PCDHGB4: variants seen among roughly 807,000 people sequenced by gnomAD.
The protein encoded by PCDHGB4 is protocadherin gamma-B4.
Under a neutral mutation model 60.5 loss-of-function variants are expected in PCDHGB4, and 38 were observed. The ratio of observed to expected loss-of-function variants is 0.63; its 90% CI spans 0.48 to 0.82. PCDHGB4 has a LOEUF of 0.82. Ranked by LOEUF, PCDHGB4 falls within the 40% of genes least tolerant of loss-of-function variation. The pLI, the probability that PCDHGB4 is intolerant of heterozygous loss-of-function variation, is 0.00. For synonymous variants in PCDHGB4, 456 were observed against 509.7 expected, an observed-to-expected ratio of 0.89 and a Z score of 1.42; for missense variants, 1,109 against 1,209.6, an observed-to-expected ratio of 0.92 and a Z score of 1.23.
rs1015821056 is a variant in PCDHGB4 at position 141,397,642 on chromosome 5, T to C, written c.2397+7361T>C. On this transcript the variant is annotated intron_variant, in intron 1 of 3. Coordinates refer to ENST00000519479, the MANE Select transcript of PCDHGB4 (RefSeq NM_003736.4). Reference sequence around the variant, plus strand: ...TAGTTCTAGCTAAGAGTTCAAGGTATGTTTGCAGAATGGTGAAAGAATGGA... The same window carrying C: ...TAGTTCTAGCTAAGAGTTCAAGGTACGTTTGCAGAATGGTGAAAGAATGGA... Among the ~76,000 whole-genome samples, 3 of 152,236 alleles carry C rather than the reference T, an allele frequency of 2.0e-5. No individual in the cohort carries two copies. The East Asian group carries it at 5.8e-4, about 29-fold the overall frequency.
chr5:141,427,013 T>A, intron 1 of PCDHGB4: 2 of 456,846 alleles, frequency 4.4e-6, no homozygotes, highest in Non-Finnish European at 8.8e-6. Flanking sequence ...TTAGCCAGGA[T>A]GTATACAAAG....
At chr5:141,451,334 C>G (rs916812246) in intron 1 of PCDHGB4, among the ~76,000 whole-genome samples, 4 of 152,192 alleles carry the variant, frequency 2.6e-5, no homozygotes, top group Non-Finnish European at 4.4e-5. Context: ...AGGCTATTGT[C>G]TTATCTGAAG....
chr5:141,390,321 C>A (rs776100029), intron 1 of PCDHGB4, 40 bp downstream of exon 1: 1 of 1,606,964 alleles, frequency 6.2e-7, no homozygotes, highest in Non-Finnish European at 8.5e-7. Context: ...TCATTGCCTA[C>A]CCATTTCTCC....
chr5:141,419,350 G>A, intron 1 of PCDHGB4: 1 of 1,613,848 alleles, frequency 6.2e-7, no homozygotes, highest in Non-Finnish European at 8.5e-7. Context: ...GCGACCTGGA[G>A]TCACGAACGC....
In PCDHGB4 at chr5:141,387,841, C is replaced by T; in HGVS notation, c.-44C>T. On this transcript the variant is annotated 5_prime_UTR_variant, in exon 1 of 4. Coordinates refer to ENST00000519479, the MANE Select transcript of PCDHGB4 (RefSeq NM_003736.4). ...CTGCAATACAGAGGTTATTTGTAACCCGGCGTCTCCAGGCTGGTGAGCAAG... is the reference window on the plus strand; with the variant it reads ...CTGCAATACAGAGGTTATTTGTAACTCGGCGTCTCCAGGCTGGTGAGCAAG... 2.5e-6 allele frequency: 4 copies of T among 1,597,678 alleles called. No homozygotes were observed. The highest frequency in any genetic ancestry group is 3.4e-6 in the Non-Finnish European group (4 of 1,172,130).
intron 1 of PCDHGB4, chr5:141,423,658 CA>C: frequency 6.4e-7 from 1 of 1,571,150 alleles, no homozygotes; most frequent in Non-Finnish European, 8.6e-7. Flanking sequence ...GACAAGTAAT[CA>C]GGTGAGATTT....
intron 1 of PCDHGB4, chr5:141,422,634 T>C: frequency 1.9e-6 from 3 of 1,612,682 alleles, no homozygotes; most frequent in Non-Finnish European, 2.5e-6. Flanking sequence ...ACCCCAGGGG[T>C]GCCTCCATCT....
Position 141,485,164 on chromosome 5 carries a change from G to A in PCDHGB4, c.2398-9643G>A, listed in dbSNP as rs2099608516. 2 of 1,605,832 alleles carry A rather than the reference G, an allele frequency of 1.2e-6. No homozygotes were observed. Among genetic ancestry groups the A allele is most frequent in the Admixed American group, 1.7e-5 (1 of 59,836 alleles). On this transcript the variant is annotated intron_variant, in intron 1 of 3. Coordinates refer to ENST00000519479, the MANE Select transcript of PCDHGB4 (RefSeq NM_003736.4). This position sits in a 1 kb window ranked among gnomAD's most constrained non-coding sequence, Gnocchi z 5.7. ...CTCAGGAGCAAGTAGAGAATTAGCG[G>A]GCGGCAGCAATGCTCCGCAAGGTGA...
At chr5:141,426,922 T>C in intron 1 of PCDHGB4, 1 of 456,720 alleles carries the variant, frequency 2.2e-6, no homozygotes, top group Non-Finnish European at 4.4e-6. Flanking sequence ...CTGGAAGCAA[T>C]GGACATGGGT....
At position 141,459,716 on chromosome 5, in the gene PCDHGB4, C is replaced by T. The variant is rs1592633942; in HGVS notation, c.2398-35091C>T. On this transcript the variant is annotated intron_variant, in intron 1 of 3. Coordinates refer to ENST00000519479, the MANE Select transcript of PCDHGB4 (RefSeq NM_003736.4). ...CGCTTGCTACATTTTCTCACCAATG[C>T]TTCCTATTGTCAATTTTTTAAATTT... is the stretch of plus-strand genomic sequence containing the variant. Among the ~76,000 whole-genome samples the T allele has an allele frequency of 2.0e-5, 3 of 152,334 alleles. No homozygotes were observed. In the South Asian group the frequency reaches 6.2e-4, roughly 32 times the overall value.
At chr5:141,399,192 C>T (rs1561668217) in intron 1 of PCDHGB4, 1 of 1,613,846 alleles carries the variant, frequency 6.2e-7, no homozygotes, top group Non-Finnish European at 8.5e-7. Flanking sequence ...TTCTGGAAAA[C>T]GCGGTGCCTG....
chr5:141,487,127 A>T lies in PCDHGB4; in HGVS notation c.2398-7680A>T. ...GGTCATTGTGGTAAAGGATAGTGGT[A>T]GTCCACCACTCTCTACCTCTGTTAC... On this transcript the variant is annotated intron_variant, in intron 1 of 3. Coordinates refer to ENST00000519479, the MANE Select transcript of PCDHGB4 (RefSeq NM_003736.4). The surrounding 1 kb of genome is among the most constrained non-coding windows in gnomAD (Gnocchi z 5.0). 6.2e-7 allele frequency: 1 copy of T among 1,613,334 alleles called. No individual in the cohort carries two copies. Among genetic ancestry groups the T allele is most frequent in the Admixed American group, 1.7e-5 (1 of 60,026 alleles).
chr5:141,453,032 G>A (rs2098754281), intron 1 of PCDHGB4, among the ~76,000 whole-genome samples: 1 of 152,132 alleles, frequency 6.6e-6, no homozygotes, highest in Admixed American at 6.5e-5. Flanking sequence ...TTAAAATAAA[G>A]TTTGTTTCTA....
Position 141,468,058 on chromosome 5 carries a change from C to T in PCDHGB4, c.2398-26749C>T, listed in dbSNP as rs993225792. ...TAGAAAACTAAGCCGGGCACAGTGG[C>T]TCACACCTGTAATCCCAGCACTTTG... On this transcript the variant is annotated intron_variant, in intron 1 of 3. Transcript: ENST00000519479. 1.1e-4 allele frequency among the ~76,000 whole-genome samples: 16 copies of T among 152,140 alleles called. 2 individuals carry two copies. The highest frequency in any genetic ancestry group is 5.2e-4 in the Admixed American group (8 of 15,276).
chr5:141,466,746 T>C (rs1035272591), intron 1 of PCDHGB4, among the ~76,000 whole-genome samples: 1 of 152,224 alleles, frequency 6.6e-6, no homozygotes, highest in African/African-American at 2.4e-5. Context: ...GTTACTCTGA[T>C]AGGGGCTCTT....
rs961341807 is a variant in PCDHGB4 at position 141,486,262 on chromosome 5, A to G, written c.2398-8545A>G. The G allele has an allele frequency of 6.2e-6, 10 of 1,613,912 alleles. No individual in the cohort carries two copies. Among genetic ancestry groups the G allele is most frequent in the Non-Finnish European group, 8.5e-6 (10 of 1,179,986 alleles). On this transcript the variant is annotated intron_variant, in intron 1 of 3. Transcript: ENST00000519479. This position sits in a 1 kb window ranked among gnomAD's most constrained non-coding sequence, Gnocchi z 5.0. ...AGCTTGGAACCCTCCCCGAGAGTGC[A>G]GAACCTGGCACTGTGGTGGCACTTA...
rs1024041994 is a variant in PCDHGB4 at position 141,409,578 on chromosome 5, T to C, written c.2397+19297T>C. The C allele has an allele frequency of 3.1e-6, 5 of 1,613,824 alleles. No individual in the cohort carries two copies. In the Admixed American group the frequency reaches 6.7e-5, roughly 22 times the overall value. On this transcript the variant is annotated intron_variant, in intron 1 of 3. Coordinates refer to ENST00000519479, the MANE Select transcript of PCDHGB4 (RefSeq NM_003736.4). Reference sequence around the variant, plus strand: ...GTTTTCGACCAGACGTCCTACGTGGTCCACGTGGCCGAGAACAACCCGCCA... The same window carrying C: ...GTTTTCGACCAGACGTCCTACGTGGCCCACGTGGCCGAGAACAACCCGCCA...
chr5:141,460,470 A>T (rs2098990057), intron 1 of PCDHGB4, among the ~76,000 whole-genome samples: 1 of 152,110 alleles, frequency 6.6e-6, no homozygotes, highest in South Asian at 2.1e-4. Flanking sequence ...TTTCCAAAGG[A>T]ATATCCAATT....
intron 1 of PCDHGB4, chr5:141,410,202 A>C (rs766392835): frequency 1.3e-5 from 21 of 1,614,018 alleles, no homozygotes; most frequent in Non-Finnish European, 1.6e-5. Context: ...TTCGCAGACA[A>C]CTTGCAAGAG....
Sources: gnomAD v4.1 joint callset for allele counts (sites outside exome capture counted in the v4.1 genomes callset) on GRCh38, gnomAD v4.1.1 for gene constraint, Gnocchi (gnomAD v3.1) non-coding constraint, MANE v1.5 for transcripts, NCBI Gene and HGNC (gene_info 2026-07-23, HGNC 2026-07-21) for gene names.